Variants in ABCB9 observed in about 807,000 individuals in gnomAD.
ABCB9 encodes the protein ATP binding cassette subfamily B member 9.
Under a neutral mutation model 62.0 loss-of-function variants are expected in ABCB9, and 36 were observed. That is an observed-to-expected ratio of 0.58 (90% CI 0.45 to 0.77). The LOEUF is 0.77. ABCB9 is among the 30% of genes least tolerant of loss of function. ABCB9 has a pLI of 0.00. For synonymous variants in ABCB9, 435 were observed against 461.4 expected (o/e 0.94, Z 0.73); for missense variants, 943 against 1,054.7 (o/e 0.89, Z 1.47).
rs2036776846 is a variant in ABCB9, at chr12:122,959,487, A to G, written c.601+148T>C. 7.5e-7 allele frequency: 1 copy of G among 1,329,544 alleles called. No individual in the cohort carries two copies. Among genetic ancestry groups the G allele is most frequent in the African/African-American group, 1.5e-5 (1 of 68,116 alleles). The allele number at this position is 1,329,544 out of a possible 1,614,324, so 82.4% of individuals were successfully genotyped here. ...CAGCCTCCCAAAGTGCTGGGATTAT[A>G]GATATGAGCCACTATGCCTGGCCTC... On this transcript the variant is annotated intron_variant, in intron 2 of 11. Transcript: ENST00000280560. This position sits in a 1 kb window ranked among gnomAD's most constrained non-coding sequence, Gnocchi z 5.4.
In ABCB9 at chr12:122,929,938, AGGCTCGTTGT is replaced by A. The variant is rs749377058; in HGVS notation, c.2264_2273del (p.His755LeufsTer2). The stretch of plus-strand genomic sequence containing the variant: ...AGGCCTTGTGACTGCCGTTGGCTAC[AGGCTCGTTGT>A]GGCCAGCTGTGAAGTCTGCGGCGGG... On this transcript the variant is annotated frameshift_variant, in exon 12 of 12. Coordinates refer to ENST00000280560, the MANE Select transcript of ABCB9 (RefSeq NM_019625.4). LOFTEE classifies it high-confidence loss of function. This position sits in a 1 kb window ranked among gnomAD's most constrained non-coding sequence, Gnocchi z 6.0. 2.9e-4 allele frequency: 461 copies of A among 1,566,020 alleles called. 1 individual carries two copies. Among genetic ancestry groups the A allele is most frequent in the Non-Finnish European group, 3.4e-4 (397 of 1,154,186 alleles).
At chr12:122,921,016 C>A (rs1045597326) in exon 12 of ABCB9, 14 of 1,534,996 alleles carry the variant, frequency 9.1e-6, no homozygotes, top group Non-Finnish European at 1.2e-5. Context: ...CATCTCGGTT[C>A]TGATATCTGC....
chr12:122,939,303 T>A (rs562806376), intron 9 of ABCB9: 1 of 152,378 alleles, frequency 6.6e-6, no homozygotes, highest in East Asian at 1.9e-4. Flanking sequence ...CCTGGATGAC[T>A]CACAATGTCG....
chr12:122,970,410 G>C (rs2037256961), upstream of ABCB9, among the ~76,000 whole-genome samples: 1 of 152,104 alleles, frequency 6.6e-6, no homozygotes, highest in African/African-American at 2.4e-5. Flanking sequence ...ACCACGCCTG[G>C]CTAATTTTTG....
chr12:122,965,599 G>A (rs942879732), intron 1 of ABCB9, among the ~76,000 whole-genome samples: 1 of 152,224 alleles, frequency 6.6e-6, no homozygotes, highest in Non-Finnish European at 1.5e-5. Context: ...AGAGGCGCGA[G>A]GTGCCCTCCC....
intron 2 of ABCB9, among the ~76,000 whole-genome samples, chr12:122,955,114 T>C (rs2036555692): frequency 6.6e-6 from 1 of 152,114 alleles, no homozygotes; most frequent in South Asian, 2.1e-4. Flanking sequence ...TGATTAAGTA[T>C]TTACTTGTGC....
chr12:122,950,666 T>C (rs966618289), intron 2 of ABCB9, 101 bp from the exon 3 acceptor site: 1 of 943,336 alleles, frequency 1.1e-6, no homozygotes, highest in Non-Finnish European at 1.6e-6. Context: ...CTCTGCCCAC[T>C]CCACCGGTGG....
chr12:122,927,924 T>C (rs1281026152), downstream of ABCB9, among the ~76,000 whole-genome samples: 1 of 152,218 alleles, frequency 6.6e-6, no homozygotes, highest in East Asian at 1.9e-4. Flanking sequence ...GCTAAGTCTC[T>C]GAAAACTTAA....
chr12:122,943,098 C>T (rs184680638), intron 7 of ABCB9, among the ~76,000 whole-genome samples: 24 of 152,274 alleles, frequency 1.6e-4, no homozygotes, highest in Admixed American at 3.9e-4. Flanking sequence ...AATTAACACC[C>T]TCACTCCAGG....
intron 2 of ABCB9, chr12:122,951,118 G>A (rs1377963324): frequency 1.3e-5 from 2 of 151,830 alleles, no homozygotes; most frequent in African/African-American, 2.4e-5. Flanking sequence ...AAAGTACTGG[G>A]ATTATAGGTA....
At chr12:122,970,933 A>AT (rs2037263389), upstream of ABCB9, among the ~76,000 whole-genome samples, 1 of 152,198 alleles carries the variant, frequency 6.6e-6, no homozygotes, top group Non-Finnish European at 1.5e-5. Flanking sequence ...CTACTGTATG[A>AT]TTCCTACCAT....
upstream of ABCB9, among the ~76,000 whole-genome samples, chr12:122,967,124 A>G (rs1172623456): frequency 6.6e-6 from 1 of 152,230 alleles, no homozygotes; most frequent in Admixed American, 6.5e-5. Context: ...GGAGGCAGCG[A>G]TATGTCCTCA....
At position 122,930,120 on chromosome 12, in the gene ABCB9, C is replaced by T. The variant is rs148331618; in HGVS notation, c.2092G>A (p.Ala698Thr). ...TGCTCCACGGTGCTCAGCCGGTGCG[C>T]GATGATGAGTACCGTGTGCTTCTGC... is the stretch of plus-strand genomic sequence containing the variant. ...NLQKHTVLII[A>T]HRLSTVEHAH... The change falls in exon 12 of 12, where the codon GCG (alanine) becomes ACG (threonine). Residue 698 changes from alanine to threonine, a missense_variant. By Grantham distance (58) the Ala-to-Thr change is moderately conservative (BLOSUM62 0). Coordinates refer to ENST00000280560, the MANE Select transcript of ABCB9 (RefSeq NM_019625.4). This position sits in a 1 kb window ranked among gnomAD's most constrained non-coding sequence, Gnocchi z 4.9. The T allele has an allele frequency of 3.9e-6, 6 of 1,555,094 alleles. No homozygotes were observed. The highest frequency in any genetic ancestry group is 1.9e-5 in the Admixed American group (1 of 51,322).
intron 10 of ABCB9, among the ~76,000 whole-genome samples, chr12:122,934,212 T>C (rs999354973): frequency 2.0e-5 from 3 of 152,052 alleles, no homozygotes; most frequent in Non-Finnish European, 4.4e-5. Context: ...TACTCCACTC[T>C]ACTCCAGCCT....
downstream of ABCB9, among the ~76,000 whole-genome samples, chr12:122,925,422 C>G (rs2034871761): frequency 6.6e-6 from 1 of 151,920 alleles, no homozygotes. Context: ...GGCATCTACC[C>G]AAGAGAGGCG....
At chr12:122,961,222 C>G (rs1047455504) in intron 1 of ABCB9, among the ~76,000 whole-genome samples, 4 of 152,054 alleles carry the variant, frequency 2.6e-5, no homozygotes, top group African/African-American at 7.2e-5. Flanking sequence ...GAGTCTTGCT[C>G]TGTCGCCCAG....
At chr12:122,945,113 AC>A (rs1301545869) in intron 6 of ABCB9, among the ~76,000 whole-genome samples, 1 of 151,446 alleles carries the variant, frequency 6.6e-6, no homozygotes, top group Admixed American at 6.6e-5. Context: ...CTGCAAAGGC[AC>A]CCCCTGCCAG....
Position 122,929,484 on chromosome 12 carries a change from T to TC in ABCB9, c.*426dup. Reference sequence around the variant, plus strand: ...AGGGGAGAGGCCTAGTCTCTGGACATCCCCCAGGCTACTAAGGAAGGGCCA... The same window carrying TC: ...AGGGGAGAGGCCTAGTCTCTGGACATCCCCCCAGGCTACTAAGGAAGGGCCA... On this transcript the variant is annotated 3_prime_UTR_variant, in exon 12 of 12. Transcript: ENST00000280560. This position sits in a 1 kb window ranked among gnomAD's most constrained non-coding sequence, Gnocchi z 6.0. The TC allele has an allele frequency of 1.0e-6, 1 of 993,136 alleles. No individual in the cohort carries two copies. The highest frequency in any genetic ancestry group is 1.2e-6 in the Non-Finnish European group (1 of 835,158). The allele number at this position is 993,136 out of a possible 1,614,324, so 61.5% of individuals were successfully genotyped here. A position where few individuals can be genotyped will look rare whatever the true frequency, so the allele number is the denominator to read the frequency against.
chr12:122,970,523 C>T (rs1482785582), upstream of ABCB9, among the ~76,000 whole-genome samples: 1 of 152,164 alleles, frequency 6.6e-6, no homozygotes, highest in Non-Finnish European at 1.5e-5. Flanking sequence ...GCTGGGATTA[C>T]AGGTGTGAGC....
Sources: gnomAD v4.1 joint callset for allele counts (sites outside exome capture counted in the v4.1 genomes callset) on GRCh38, gnomAD v4.1.1 for gene constraint, Gnocchi (gnomAD v3.1) non-coding constraint, MANE v1.5 for transcripts, NCBI Gene and HGNC (gene_info 2026-07-23, HGNC 2026-07-21) for gene names.